The following PAPOLG variants were observed in gnomAD, a reference collection of about 807,000 sequenced individuals.
The protein encoded by PAPOLG is PAP-gamma.
A neutral mutation model predicts 99.0 loss-of-function variants in PAPOLG; 40 were observed. The ratio of observed to expected loss-of-function variants is 0.40; its 90% CI spans 0.31 to 0.53. The LOEUF (loss-of-function observed/expected upper bound fraction) is 0.53. Among genes scored for constraint, PAPOLG ranks in the 20% least tolerant of loss-of-function variants. PAPOLG has a pLI of 0.41. For synonymous variants in PAPOLG, 310 were observed against 299.3 expected, an observed-to-expected ratio of 1.04 and a Z score of -0.37; for missense variants, 675 against 884.1, an observed-to-expected ratio of 0.76 and a Z score of 3.00.
intron 13 of PAPOLG, among the ~76,000 whole-genome samples, chr2:60,784,448 T>G (rs1671297105): frequency 6.6e-6 from 1 of 152,220 alleles, no homozygotes; most frequent in Non-Finnish European, 1.5e-5. Context: ...CATCTAAATT[T>G]ATCCCTTCTG....
intron 15 of PAPOLG, chr2:60,791,421 G>A (rs562562937): frequency 3.9e-4 from 65 of 164,964 alleles, no homozygotes; most frequent in Non-Finnish European, 5.9e-4. Context: ...ACGTGGTGGC[G>A]CATGCCTGTA....
intron 9 of PAPOLG, among the ~76,000 whole-genome samples, chr2:60,780,276 C>A (rs933660136): frequency 1.3e-5 from 2 of 148,674 alleles, no homozygotes; most frequent in African/African-American, 5.0e-5. Flanking sequence ...TCTTACCTAG[C>A]CTTTTTTTTT....
chr2:60,773,381 G>T (rs1004543510), intron 7 of PAPOLG, among the ~76,000 whole-genome samples: 1 of 152,120 alleles, frequency 6.6e-6, no homozygotes. Context: ...TCTTAAAGAC[G>T]TTTCATATAA....
rs2103837083 is a variant in PAPOLG at position 60,798,832 on chromosome 2, T to C, written c.*1672T>C. On this transcript the variant is annotated 3_prime_UTR_variant, in exon 22 of 22. Transcript: ENST00000238714. ...GGTCTCCAAAATGTAAATTCTAATG[T>C]TTACCTTGTACCATGGAAAACATGA... The C allele has an allele frequency of 6.6e-6, 1 of 152,440 alleles. No individual in the cohort carries two copies. The highest frequency in any genetic ancestry group is 3.4e-3 in the Middle Eastern group (1 of 294). The allele number at this position is 152,440 out of a possible 1,614,324, so 9.4% of individuals were successfully genotyped here.
At position 60,794,954 on chromosome 2, in the gene PAPOLG, C is replaced by A; in HGVS notation, c.2056-10C>A. ...TTAGTTTTCACTTGTGTTGATTCTT[C>A]TGTTTTTAGGATGCCATTGGAGGAG... On this transcript the variant is annotated splice_polypyrimidine_tract_variant and intron_variant, in intron 20 of 21. Transcript: ENST00000238714. 1 of 1,611,582 alleles carries A rather than the reference C, an allele frequency of 6.2e-7. No individual in the cohort carries two copies. Among genetic ancestry groups the A allele is most frequent in the Non-Finnish European group, 8.5e-7 (1 of 1,179,248 alleles).
At chr2:60,776,112 A>G (rs533946595) in intron 8 of PAPOLG, among the ~76,000 whole-genome samples, 27 of 152,318 alleles carry the variant, frequency 1.8e-4, no homozygotes, top group Admixed American at 1.0e-3. Context: ...TCCTTGATCC[A>G]TGGGCTATAG....
chr2:60,781,826 T>C (rs1671198289), intron 10 of PAPOLG, 59 bp from the exon 11 acceptor site: 8 of 1,602,980 alleles, frequency 5.0e-6, no homozygotes, highest in Non-Finnish European at 6.8e-6. Flanking sequence ...TTTGGGGAAA[T>C]GAAGTGAGAA....
chr2:60,782,581 T>C (rs1462351514), intron 11 of PAPOLG, 105 bp from the exon 12 acceptor site: 1 of 1,349,292 alleles, frequency 7.4e-7, no homozygotes, highest in African/African-American at 1.6e-5. Context: ...AAAAATTTCG[T>C]CTGGTGGAGT....
rs760066484 is a variant in PAPOLG, at chr2:60,792,283, C to G, written c.1673C>G (p.Thr558Arg). ...TCTGATAGCCCTTCTGTAGGAGAAACAGAAAGGTCTGTCTTTATTTCAAAT... is the reference window on the plus strand; with the variant it reads ...TCTGATAGCCCTTCTGTAGGAGAAAGAGAAAGGTCTGTCTTTATTTCAAAT... ...SKSDSPSVGE[T>R]ERNSAEPAAV... The change falls in exon 17 of 22, where the codon ACA becomes AGA. Residue 558 changes from threonine to arginine, a missense_variant. Physicochemically the swap from Thr to Arg is moderately conservative, Grantham distance 71 (BLOSUM62 -1). Coordinates refer to ENST00000238714, the MANE Select transcript of PAPOLG (RefSeq NM_022894.4). 1.3e-6 allele frequency: 2 copies of G among 1,599,168 alleles called. No homozygotes were observed. The highest frequency in any genetic ancestry group is 2.3e-5 in the South Asian group (2 of 87,786).
At position 60,793,205 on chromosome 2, in the gene PAPOLG, TAAAA is replaced by T. The variant is rs779034834; in HGVS notation, c.1680-400_1680-397del. Among the ~76,000 whole-genome samples, 101 of 45,556 alleles carry T rather than the reference TAAAA, an allele frequency of 2.2e-3. 1 individual carries two copies. The highest frequency in any genetic ancestry group is 7.8e-3 in the African/African-American group (83 of 10,656). 29.9% of individuals were successfully genotyped at this position (45,556 alleles called of 152,430 possible). Reference sequence around the variant, plus strand: ...CTAGGTGACAGAACAATACCATGTCTAAAAAAAAAAAAAAAAAAAAAAAAAGCAG... The same window carrying T: ...CTAGGTGACAGAACAATACCATGTCTAAAAAAAAAAAAAAAAAAAAAGCAG... On this transcript the variant is annotated intron_variant, in intron 17 of 21. Coordinates refer to ENST00000238714, the MANE Select transcript of PAPOLG (RefSeq NM_022894.4).
At chr2:60,786,769 A>G (rs1173683681) in intron 13 of PAPOLG, 178 bp from the exon 14 acceptor site, 1 of 239,174 alleles carries the variant, frequency 4.2e-6, no homozygotes, top group African/African-American at 2.3e-5. Context: ...ACCTCAGGCG[A>G]TTCACCCACT....
chr2:60,760,865 A>T (rs1017017176), intron 2 of PAPOLG, among the ~76,000 whole-genome samples: 6 of 152,226 alleles, frequency 3.9e-5, no homozygotes, highest in African/African-American at 1.4e-4. Flanking sequence ...ATGATGACTT[A>T]AAAAAGTTTT....
chr2:60,787,780 G>C (rs920759969), intron 15 of PAPOLG, among the ~76,000 whole-genome samples, 160 bp downstream of exon 15: 1 of 152,198 alleles, frequency 6.6e-6, no homozygotes, highest in Non-Finnish European at 1.5e-5. Flanking sequence ...AGCCGGGTGC[G>C]GTGGCTAATG....
At chr2:60,783,323 TC>T (rs1389151435) in intron 13 of PAPOLG, 114 bp downstream of exon 13, 19 of 288,838 alleles carry the variant, frequency 6.6e-5, no homozygotes, top group African/African-American at 1.9e-4. Flanking sequence ...TTATTATATC[TC>T]TTTTTTTTTT....
chr2:60,768,301 C>T (rs975614203), intron 3 of PAPOLG, 169 bp from the exon 4 acceptor site: 6 of 189,800 alleles, frequency 3.2e-5, no homozygotes, highest in Non-Finnish European at 5.9e-5. Context: ...GAAGTTTTGC[C>T]ATGTTGGCCA....
intron 3 of PAPOLG, among the ~76,000 whole-genome samples, chr2:60,763,677 T>C (rs545411112): frequency 5.3e-5 from 8 of 150,246 alleles, no homozygotes; most frequent in African/African-American, 2.0e-4. Context: ...TTAATTTTTA[T>C]ATTTTTAGTA....
chr2:60,788,066 G>C (rs1205573631), intron 15 of PAPOLG, among the ~76,000 whole-genome samples: 3 of 151,394 alleles, frequency 2.0e-5, no homozygotes, highest in Non-Finnish European at 4.4e-5. Flanking sequence ...AAAAAAAAAA[G>C]CATTATGAAG....
chr2:60,793,897 A>G, intron 18 of PAPOLG, 74 bp from the exon 19 acceptor site: 1 of 1,485,984 alleles, frequency 6.7e-7, no homozygotes, highest in Admixed American at 1.9e-5. Flanking sequence ...GGTGATGGGA[A>G]TGAGAGACCC....
At position 60,794,022 on chromosome 2, in the gene PAPOLG, C is replaced by G; in HGVS notation, c.1820C>G (p.Pro607Arg). ...TVSPPTVCTI[P>R]TVVGRNVIPR... ...TCACCCCCCACTGTGTGTACCATTC[C>G]TACCGTAGTAGGACGAAATGTCATT... is the stretch of plus-strand genomic sequence containing the variant. Residue 607 changes from proline to arginine, a missense_variant, in exon 19 of 22, where the codon CCT (proline) becomes CGT (arginine). Pro to Arg is a moderately radical substitution (Grantham distance 103). Transcript: ENST00000238714. 6.2e-7 allele frequency: 1 copy of G among 1,613,708 alleles called. No homozygotes were observed. The highest frequency in any genetic ancestry group is 1.1e-5 in the South Asian group (1 of 91,072).
Sources: gnomAD v4.1 joint callset for allele counts (sites outside exome capture counted in the v4.1 genomes callset) on GRCh38, gnomAD v4.1.1 for gene constraint, MANE v1.5 for transcripts, NCBI Gene and HGNC (gene_info 2026-07-23, HGNC 2026-07-21) for gene names.